POM121: variants seen among roughly 807,000 people sequenced by gnomAD.
POM121 encodes nuclear envelope pore membrane protein POM 121.
Under a neutral mutation model 81.3 loss-of-function variants are expected in POM121, and 32 were observed. The observed-to-expected ratio is 0.39, with a 90% CI of 0.30 to 0.53. The LOEUF (loss-of-function observed/expected upper bound fraction) is 0.53, where lower values mean the gene tolerates loss of function less well. Among genes scored for constraint, POM121 ranks in the 20% least tolerant of loss-of-function variants. The pLI, the probability that POM121 is intolerant of heterozygous loss-of-function variation, is 0.66. For synonymous variants in POM121, 514 were observed against 694.2 expected (o/e 0.74, Z 4.08); for missense variants, 1,138 against 1,614.6 (o/e 0.70, Z 5.06).
Position 72,926,872 on chromosome 7 carries a change from A to G in POM121, c.931A>G (p.Thr311Ala). ...CGCCCCAGACCCATGTGCAAAGGAG[A>G]CAGTACTGAGTGCCCTCAAAGAGAA... ...SNAPDPCAKE[T>A]VLSALKEKEK... The change falls in exon 3 of 13, where the codon ACA becomes GCA. Residue 311 changes from threonine to alanine, a missense_variant. This residue lies in a region of POM121 where 646 missense variants were observed against 633.5 expected (regional missense o/e 1.02). Coordinates refer to ENST00000434423, the MANE Select transcript of POM121 (RefSeq NM_001387691.1). 1 of 1,613,970 alleles carries G rather than the reference A, an allele frequency of 6.2e-7. No homozygotes were observed. The highest frequency in any genetic ancestry group is 1.1e-5 in the South Asian group (1 of 91,072).
At chr7:72,931,593 G>A (rs1259137862) in intron 5 of POM121, among the ~76,000 whole-genome samples, 4 of 141,134 alleles carry the variant, frequency 2.8e-5, no homozygotes, top group Admixed American at 7.2e-5. Context: ...TTTTTTTGCC[G>A]GAGTCTTACT....
chr7:72,945,504 T>G (rs1797591449), intron 11 of POM121, 82 bp from the exon 12 acceptor site: 2 of 1,561,864 alleles, frequency 1.3e-6, no homozygotes, highest in Non-Finnish European at 1.7e-6. Flanking sequence ...GGAAGTGCCC[T>G]GCGGAGCACA....
At chr7:72,906,110 T>G (rs782010109) in intron 3 of POM121, among the ~76,000 whole-genome samples, 8 of 152,250 alleles carry the variant, frequency 5.3e-5, no homozygotes, top group Admixed American at 3.3e-4. Flanking sequence ...CACTGAAATT[T>G]CTGTGTCATT....
chr7:72,891,192 G>A (rs1250279647), intron 3 of POM121: 38 of 588,604 alleles, frequency 6.5e-5, no homozygotes, highest in Middle Eastern at 3.2e-4. Flanking sequence ...ATATGTATTC[G>A]GTACCCTCAG....
At chr7:72,929,588 T>A (rs180940577) in intron 4 of POM121, among the ~76,000 whole-genome samples, 1 of 152,268 alleles carries the variant, frequency 6.6e-6, no homozygotes, top group East Asian at 1.9e-4. Context: ...TGTGGAACCA[T>A]CCCACCACTA....
intron 3 of POM121, among the ~76,000 whole-genome samples, chr7:72,912,554 A>T (rs1346766329): frequency 6.6e-6 from 1 of 152,118 alleles, no homozygotes; most frequent in African/African-American, 2.4e-5. Context: ...AAGCAGGTGG[A>T]TCATGAAGTC....
intron 3 of POM121, among the ~76,000 whole-genome samples, chr7:72,911,696 T>A (rs1234103673): frequency 6.6e-6 from 1 of 151,982 alleles, no homozygotes; most frequent in Non-Finnish European, 1.5e-5. Flanking sequence ...GGACATGGAG[T>A]AGGACTATTG....
rs782682175 is a variant in POM121 at position 72,943,507 on chromosome 7, A to C, written c.3514A>C (p.Lys1172Gln). 55 of 1,612,248 alleles carry C rather than the reference A, an allele frequency of 3.4e-5. No homozygotes were observed. The highest frequency in any genetic ancestry group is 4.7e-5 in the Non-Finnish European group (55 of 1,179,842). ...CAACGTGAGCAGCACAACTGAGAGCAAACCTGTGTTTGGAGGTAAGGAGGG... is the reference window on the plus strand; with the variant it reads ...CAACGTGAGCAGCACAACTGAGAGCCAACCTGTGTTTGGAGGTAAGGAGGG... ...AFNVSSTTES[K>Q]PVFGGTATPT... is the part of the protein sequence containing the mutation. Residue 1172 changes from lysine (K) to glutamine (Q), a missense_variant, in exon 11 of 13, where the codon AAA becomes CAA. Physicochemically the swap from Lys to Gln is moderately conservative, Grantham distance 53. Transcript: ENST00000434423.
intron 4 of POM121, among the ~76,000 whole-genome samples, chr7:72,929,178 A>G (rs1161243697): frequency 1.3e-5 from 2 of 152,222 alleles, no homozygotes; most frequent in Non-Finnish European, 2.9e-5. Flanking sequence ...ATTAGCCCAG[A>G]GGAGAAAAGT....
At chr7:72,913,591 G>C (rs782718122) in intron 3 of POM121, among the ~76,000 whole-genome samples, 7 of 152,172 alleles carry the variant, frequency 4.6e-5, no homozygotes, top group Non-Finnish European at 7.3e-5. Context: ...TTCTAAGGGA[G>C]TCTGGCATAG....
In POM121 at chr7:72,925,305, G is replaced by A. The variant is rs1554496955; in HGVS notation, c.184G>A (p.Ala62Thr). 2.0e-5 allele frequency: 31 copies of A among 1,534,474 alleles called. No individual in the cohort carries two copies. The highest frequency in any genetic ancestry group is 2.7e-5 in the Non-Finnish European group (31 of 1,146,468). The change falls in exon 1 of 13, where the codon GCT (alanine) becomes ACT (threonine). Residue 62 changes from alanine to threonine, a missense_variant. This residue lies in a region of POM121 where 646 missense variants were observed against 633.5 expected (regional missense o/e 1.02). Transcript: ENST00000434423. ...TGCACTGGCCTGGCTGACCGTGGGG[G>A]CTACCGCGGCCTGGTGGGGACTGAG... is the stretch of plus-strand genomic sequence containing the variant. ...AAALAWLTVG[A>T]TAAWWGLSRE...
intron 3 of POM121, among the ~76,000 whole-genome samples, chr7:72,908,284 C>T (rs1793467971): frequency 6.6e-6 from 1 of 152,104 alleles, no homozygotes; most frequent in Admixed American, 6.6e-5. Flanking sequence ...CCGGGGGAGA[C>T]ATCACATGTC....
intron 1 of POM121, among the ~76,000 whole-genome samples, chr7:72,889,048 G>C (rs1563132260): frequency 6.6e-6 from 1 of 152,114 alleles, no homozygotes; most frequent in South Asian, 2.1e-4. Flanking sequence ...ACTGGATTTT[G>C]TTTGGTTATG....
downstream of POM121, chr7:72,950,218 T>G: frequency 1.2e-6 from 2 of 1,608,468 alleles, no homozygotes; most frequent in Non-Finnish European, 8.5e-7. Flanking sequence ...GAACCATTCA[T>G]TCATCATTTC....
upstream of POM121, among the ~76,000 whole-genome samples, chr7:72,920,576 G>A (rs1183784293): frequency 1.3e-5 from 2 of 151,940 alleles, no homozygotes; most frequent in African/African-American, 2.4e-5. Context: ...GGATGGTCTT[G>A]ATCTCCTGAC....
At position 72,943,310 on chromosome 7, in the gene POM121, C is replaced by T; in HGVS notation, c.3317C>T (p.Ala1106Val). The change falls in exon 11 of 13, where the codon GCT becomes GTT. Residue 1106 changes from alanine (A) to valine (V), a missense_variant. Physicochemically the swap from Ala to Val is moderately conservative, Grantham distance 64. This residue lies in a region of POM121 where 336 missense variants were observed against 344.3 expected (regional missense o/e 0.98). Transcript: ENST00000434423. ...ACGTTTGGGGGTTCGGCAGCCCCCG[C>T]TGGCAGTGGGAGCTTTGGGATCAAT... ...PFTFGGSAAP[A>V]GSGSFGINVA... 5.6e-6 allele frequency: 9 copies of T among 1,608,072 alleles called. No individual in the cohort carries two copies. The highest frequency in any genetic ancestry group is 7.6e-6 in the Non-Finnish European group (9 of 1,177,570).
At chr7:72,892,226 T>C (rs1401585692) in intron 3 of POM121, among the ~76,000 whole-genome samples, 1 of 152,238 alleles carries the variant, frequency 6.6e-6, no homozygotes, top group Admixed American at 6.5e-5. Flanking sequence ...CCTTTTTTCT[T>C]GTGTATTTTT....
intron 3 of POM121, among the ~76,000 whole-genome samples, chr7:72,906,332 G>A (rs1314587626): frequency 3.9e-5 from 6 of 152,214 alleles, no homozygotes; most frequent in Non-Finnish European, 8.8e-5. Context: ...CAGAACCCAC[G>A]GTTTTGGAGG....
chr7:72,918,282 G>A (rs1342310884), intron 4 of POM121, among the ~76,000 whole-genome samples: 1 of 152,130 alleles, frequency 6.6e-6, no homozygotes, highest in African/African-American at 2.4e-5. Flanking sequence ...TAAGTAGCCG[G>A]TGTTTTTCCT....
Sources: gnomAD v4.1 joint callset for allele counts (sites outside exome capture counted in the v4.1 genomes callset) on GRCh38, gnomAD v4.1.1 for gene constraint, gnomAD v4.1.1 regional missense constraint, MANE v1.5 for transcripts, NCBI Gene and HGNC (gene_info 2026-07-23, HGNC 2026-07-21) for gene names.